The following FZD3 variants were observed in gnomAD, a reference collection of about 807,000 sequenced individuals.
FZD3 encodes frizzled class receptor 3.
Under a neutral mutation model 60.7 loss-of-function variants are expected in FZD3, and 30 were observed. That is an observed-to-expected ratio of 0.49 (90% CI 0.37 to 0.67). The LOEUF (loss-of-function observed/expected upper bound fraction) is 0.67, where lower values mean the gene tolerates loss of function less well. Ranked by LOEUF, FZD3 falls within the 30% of genes least tolerant of loss-of-function variation. The probability of loss-of-function intolerance (pLI) is 0.00; values close to 1 mark genes in which losing one functional copy is unlikely to be tolerated. For synonymous variants in FZD3, 246 were observed against 275.2 expected (o/e 0.89, Z 1.05); for missense variants, 605 against 838.7 (o/e 0.72, Z 3.44).
At chr8:28,511,841 A>G (rs941455935) in intron 3 of FZD3, among the ~76,000 whole-genome samples, 1 of 152,138 alleles carries the variant, frequency 6.6e-6, no homozygotes. Flanking sequence ...AACCCCTTCA[A>G]AGTAGAGCTT....
At chr8:28,546,608 G>A (rs1490967535) in intron 5 of FZD3, among the ~76,000 whole-genome samples, 1 of 151,982 alleles carries the variant, frequency 6.6e-6, no homozygotes, top group Non-Finnish European at 1.5e-5. Flanking sequence ...GCCCCACCCA[G>A]CACTTATTTT....
At chr8:28,501,485 T>A (rs533742333) in intron 2 of FZD3, among the ~76,000 whole-genome samples, 6 of 152,336 alleles carry the variant, frequency 3.9e-5, no homozygotes, top group African/African-American at 1.4e-4. Context: ...TTTGAGAATT[T>A]CTGAACCTGA....
intron 3 of FZD3, among the ~76,000 whole-genome samples, chr8:28,518,659 A>G (rs955251706): frequency 6.6e-6 from 1 of 152,034 alleles, no homozygotes; most frequent in African/African-American, 2.4e-5. Flanking sequence ...TGTTAGACTC[A>G]GTCCTTCCCA....
intron 3 of FZD3, among the ~76,000 whole-genome samples, chr8:28,507,708 T>G (rs1804176977): frequency 6.6e-6 from 1 of 152,234 alleles, no homozygotes; most frequent in African/African-American, 2.4e-5. Context: ...GAATAATTAG[T>G]TGATTCCCAA....
At chr8:28,494,799 C>T (rs1037756426) in intron 1 of FZD3, among the ~76,000 whole-genome samples, 6 of 149,994 alleles carry the variant, frequency 4.0e-5, no homozygotes, top group Non-Finnish European at 8.9e-5. Flanking sequence ...CGCGGGGTGC[C>T]GGGGGCCGTA....
At chr8:28,518,071 T>C (rs1469962164) in intron 3 of FZD3, among the ~76,000 whole-genome samples, 1 of 152,146 alleles carries the variant, frequency 6.6e-6, no homozygotes, top group Non-Finnish European at 1.5e-5. Context: ...AGGGTCTCAC[T>C]CTGTCTCCCA....
rs932006279 is a variant in FZD3 at position 28,567,604 on chromosome 8, T to TG, written c.*4600dup. The TG allele has an allele frequency of 5.3e-5, 8 of 152,150 alleles. No homozygotes were observed. Among genetic ancestry groups the TG allele is most frequent in the East Asian group, 1.9e-4 (1 of 5,202 alleles). 9.4% of individuals were successfully genotyped at this position (152,150 alleles called of 1,614,324 possible). ...GATACCATTTGGTTTTGTTAGAATTTGGGGGGGCTATAGAAAACAAGGTTA... is the reference window on the plus strand; with the variant it reads ...GATACCATTTGGTTTTGTTAGAATTTGGGGGGGGCTATAGAAAACAAGGTTA... On this transcript the variant is annotated 3_prime_UTR_variant, in exon 8 of 8. Transcript: ENST00000240093.
intron 1 of FZD3, among the ~76,000 whole-genome samples, chr8:28,495,963 C>G (rs368739063): frequency 5.9e-5 from 9 of 152,288 alleles, no homozygotes; most frequent in African/African-American, 2.2e-4. Context: ...CTAAAATTCT[C>G]TATCTCCATC....
chr8:28,500,283 T>C (rs933776309), intron 2 of FZD3, among the ~76,000 whole-genome samples: 24 of 152,214 alleles, frequency 1.6e-4, no homozygotes, highest in African/African-American at 5.3e-4. Flanking sequence ...GAAGCACTTT[T>C]ATAAGAAGGT....
intron 6 of FZD3, among the ~76,000 whole-genome samples, chr8:28,554,258 T>C (rs1241305259): frequency 6.6e-6 from 1 of 152,146 alleles, no homozygotes; most frequent in Non-Finnish European, 1.5e-5. Flanking sequence ...CATTTGGAGG[T>C]GAGTTAAATT....
At chr8:28,558,113 G>A (rs1426623510) in intron 7 of FZD3, among the ~76,000 whole-genome samples, 1 of 152,208 alleles carries the variant, frequency 6.6e-6, no homozygotes, top group Non-Finnish European at 1.5e-5. Context: ...GCAACTGAAG[G>A]AGAGGAATTC....
rs376112066 is a variant in FZD3, at chr8:28,527,455, G to A, written c.695G>A (p.Arg232His). 4.0e-5 allele frequency: 65 copies of A among 1,613,076 alleles called. No homozygotes were observed. Among genetic ancestry groups the A allele is most frequent in the Non-Finnish European group, 5.3e-5 (62 of 1,179,356 alleles). The change falls in exon 5 of 8, where the codon CGT becomes CAT. Residue 232 changes from arginine (R) to histidine (H), a missense_variant. Physicochemically the swap from Arg to His is conservative, Grantham distance 29 (BLOSUM62 0). Coordinates refer to ENST00000240093, the MANE Select transcript of FZD3 (RefSeq NM_017412.4). This position sits in a 1 kb window ranked among gnomAD's most constrained non-coding sequence, Gnocchi z 5.0. ...TTTTTGATTGATGTCACAAGATTCC[G>A]TTATCCTGAAAGGCCTATTATATTT... The part of the protein sequence containing the change: ...LTFLIDVTRF[R>H]YPERPIIFYA...
intron 5 of FZD3, among the ~76,000 whole-genome samples, chr8:28,542,110 T>TCA (rs1554538053): frequency 1.5e-5 from 2 of 132,022 alleles, no homozygotes; most frequent in Non-Finnish European, 3.2e-5. Flanking sequence ...TTTTTTTTTT[T>TCA]AACTACTCCC....
In FZD3 at chr8:28,573,698, C is replaced by A. The variant is rs1458439402; in HGVS notation, c.*10687C>A. ...CCTTTACATATGAATACTATCCATG[C>A]TTGTTAAAAAAAAAAAAAGTCTTTC... On this transcript the variant is annotated 3_prime_UTR_variant, in exon 8 of 8. Coordinates refer to ENST00000240093, the MANE Select transcript of FZD3 (RefSeq NM_017412.4). 1.3e-5 allele frequency: 2 copies of A among 149,286 alleles called. No homozygotes were observed. Among genetic ancestry groups the A allele is most frequent in the African/African-American group, 2.5e-5 (1 of 40,452 alleles). The allele number at this position is 149,286 out of a possible 1,614,324, so 9.2% of individuals were successfully genotyped here.
At chr8:28,499,162 A>G (rs914361434) in intron 1 of FZD3, among the ~76,000 whole-genome samples, 1 of 152,204 alleles carries the variant, frequency 6.6e-6, no homozygotes, top group African/African-American at 2.4e-5. Flanking sequence ...AGGTTCTTTC[A>G]TAAAATTCCA....
At chr8:28,503,589 G>A (rs1288147562) in intron 3 of FZD3, among the ~76,000 whole-genome samples, 1 of 152,040 alleles carries the variant, frequency 6.6e-6, no homozygotes, top group Non-Finnish European at 1.5e-5. Flanking sequence ...ATTTTTCAGT[G>A]GTAATTCTTC....
chr8:28,547,440 G>A (rs1805321147), intron 5 of FZD3, among the ~76,000 whole-genome samples: 1 of 152,132 alleles, frequency 6.6e-6, no homozygotes, highest in Non-Finnish European at 1.5e-5. Flanking sequence ...TAATCAAAGG[G>A]TATAACTTTG....
intron 5 of FZD3, among the ~76,000 whole-genome samples, chr8:28,548,100 G>A (rs941594499): frequency 2.6e-5 from 4 of 152,158 alleles, no homozygotes; most frequent in Admixed American, 6.5e-5. Flanking sequence ...TGATCTGCCT[G>A]CCTCAGCCTC....
intron 3 of FZD3, among the ~76,000 whole-genome samples, chr8:28,513,781 C>G (rs1378900863): frequency 3.9e-5 from 6 of 152,138 alleles, no homozygotes; most frequent in Admixed American, 1.3e-4. Context: ...TCCCAAACCC[C>G]ATAGGGTACA....
Sources: allele counts gnomAD v4.1 joint callset (sites outside exome capture counted in the v4.1 genomes callset), GRCh38; gene constraint gnomAD v4.1.1; non-coding constraint Gnocchi (gnomAD v3.1); transcripts MANE v1.5; gene names NCBI Gene and HGNC (gene_info 2026-07-23, HGNC 2026-07-21).